The following PRR5 variants were observed in gnomAD, a reference collection of about 807,000 sequenced individuals.
The protein encoded by PRR5 is proline rich 5.
Under a neutral mutation model 30.6 loss-of-function variants are expected in PRR5, and 25 were observed. That is an observed-to-expected ratio of 0.82 (90% CI 0.60 to 1.14). The LOEUF (loss-of-function observed/expected upper bound fraction) is 1.14, where lower values mean the gene tolerates loss of function less well. Among genes scored for constraint, PRR5 ranks in the 50% most tolerant of loss-of-function variants. The pLI, the probability that PRR5 is intolerant of heterozygous loss-of-function variation, is 0.00. For synonymous variants in PRR5, 286 were observed against 247.1 expected, an observed-to-expected ratio of 1.16 and a Z score of -1.48; for missense variants, 600 against 547.1, an observed-to-expected ratio of 1.10 and a Z score of -0.96.
intron 2 of PRR5, among the ~76,000 whole-genome samples, chr22:44,715,944 C>T (rs1053233688): frequency 6.6e-5 from 10 of 152,210 alleles, no homozygotes; most frequent in African/African-American, 2.4e-4. Context: ...CCACCATGCC[C>T]GGCCAGCTGG....
At chr22:44,708,502 C>T (rs1181746505) in intron 1 of PRR5, among the ~76,000 whole-genome samples, 2 of 152,146 alleles carry the variant, frequency 1.3e-5, no homozygotes, top group Non-Finnish European at 1.5e-5. Flanking sequence ...GCCACCTGCC[C>T]CAACCCTGCA....
chr22:44,710,878 CGCAGGGCAGG>C (rs896190367), intron 1 of PRR5, among the ~76,000 whole-genome samples: 1 of 152,076 alleles, frequency 6.6e-6, no homozygotes, highest in Non-Finnish European at 1.5e-5. Flanking sequence ...CAGAAAAGGC[CGCAGGGCAGG>C]GCAGGGCAGG....
chr22:44,708,680 A>C (rs1014712382), intron 1 of PRR5, among the ~76,000 whole-genome samples: 1 of 152,298 alleles, frequency 6.6e-6, no homozygotes, highest in South Asian at 2.1e-4. Flanking sequence ...GGAATGGTAC[A>C]GGGAGGCCAA....
chr22:44,731,963 G>C, intron 5 of PRR5, 142 bp downstream of exon 5: 3 of 974,438 alleles, frequency 3.1e-6, no homozygotes, highest in South Asian at 3.3e-5. Flanking sequence ...TACCTGAGTT[G>C]CTCAGAGCCT....
At chr22:44,672,188 G>C (rs1159159532), upstream of PRR5, among the ~76,000 whole-genome samples, 1 of 152,220 alleles carries the variant, frequency 6.6e-6, no homozygotes, top group African/African-American at 2.4e-5. Context: ...TCTGTCCCCT[G>C]CCCCAGAGGA....
At position 44,737,050 on chromosome 22, in the gene PRR5, C is replaced by T. The variant is rs745384019; in HGVS notation, c.970C>T (p.Pro324Ser). Residue 324 changes from proline to serine, a missense_variant, in exon 8 of 8, where the codon CCC becomes TCC. Coordinates refer to ENST00000336985, the MANE Select transcript of PRR5 (RefSeq NM_181333.4). ...AGGGCCCTGCCCCAGCAGACTGTAC[C>T]CCACGACCCAGCCCCCTGAGCAGGG... The part of the protein sequence containing the change: ...HSGPCPSRLY[P>S]TTQPPEQGLD... The T allele has an allele frequency of 2.5e-6, 4 of 1,607,740 alleles. No individual in the cohort carries two copies. Among genetic ancestry groups the T allele is most frequent in the Non-Finnish European group, 3.4e-6 (4 of 1,177,916 alleles).
intron 1 of PRR5, among the ~76,000 whole-genome samples, chr22:44,689,929 G>A (rs1453430352): frequency 4.6e-5 from 7 of 152,226 alleles, no homozygotes; most frequent in Non-Finnish European, 1.0e-4. Flanking sequence ...GATTACAGGC[G>A]TGAGCCATCA....
intron 3 of PRR5, 106 bp downstream of exon 3, chr22:44,725,398 T>A: frequency 6.6e-7 from 1 of 1,512,330 alleles, no homozygotes; most frequent in Non-Finnish European, 9.0e-7. Flanking sequence ...TCCCCCACTG[T>A]CTGCCTGCAG....
chr22:44,737,358 A>C lies in PRR5; in HGVS notation c.*111A>C. On this transcript the variant is annotated 3_prime_UTR_variant, in exon 8 of 8. Transcript: ENST00000336985. ...TACTGCGTCCCGTCCCGCCAGCCCT[A>C]TCGGCCTCGTCACTGGCCTTGGTCA... 4.8e-6 allele frequency: 7 copies of C among 1,446,260 alleles called. No individual in the cohort carries two copies. Among genetic ancestry groups the C allele is most frequent in the Non-Finnish European group, 6.4e-6 (7 of 1,101,020 alleles). 89.6% of individuals were successfully genotyped at this position (1,446,260 alleles called of 1,614,324 possible). A position where few individuals can be genotyped will look rare whatever the true frequency, so the allele number is the denominator to read the frequency against.
At chr22:44,719,794 C>G (rs1473297571) in intron 2 of PRR5, among the ~76,000 whole-genome samples, 2 of 152,216 alleles carry the variant, frequency 1.3e-5, no homozygotes, top group African/African-American at 4.8e-5. Flanking sequence ...CTGCTGGCTC[C>G]TGGCCAAGTC....
upstream of PRR5, among the ~76,000 whole-genome samples, chr22:44,674,587 G>A (rs2146926777): frequency 6.6e-6 from 1 of 152,178 alleles, no homozygotes; most frequent in East Asian, 1.9e-4. Flanking sequence ...CGGGCGTGGT[G>A]GCAGGCGCCT....
chr22:44,714,913 A>G (rs1928827256), intron 2 of PRR5, among the ~76,000 whole-genome samples: 1 of 152,092 alleles, frequency 6.6e-6, no homozygotes, highest in South Asian at 2.1e-4. Context: ...GTGGCCCTGC[A>G]CCCCCACAGC....
At chr22:44,692,762 C>A (rs1161574062) in intron 1 of PRR5, among the ~76,000 whole-genome samples, 1 of 152,254 alleles carries the variant, frequency 6.6e-6, no homozygotes, top group Admixed American at 6.5e-5. Context: ...GCTCTGCCGC[C>A]TGCCCTGAGG....
intron 7 of PRR5, among the ~76,000 whole-genome samples, chr22:44,735,907 CTT>C (rs909032547): frequency 3.9e-5 from 6 of 152,214 alleles, no homozygotes; most frequent in African/African-American, 1.2e-4. Context: ...TGCTGGAGAA[CTT>C]TGAGCCACCC....
In PRR5 at chr22:44,702,494, T is replaced by G; in HGVS notation, c.20T>G (p.Leu7Trp). MRTLRR[L>W]KFMSSPSLSD... ...GTCACCATGAGGACTCTCCGCAGGTTGAAGTTCATGAGTTCGCCCAGCCTC... is the reference window on the plus strand; with the variant it reads ...GTCACCATGAGGACTCTCCGCAGGTGGAAGTTCATGAGTTCGCCCAGCCTC... The change falls in exon 1 of 8, where the codon TTG becomes TGG. Residue 7 changes from leucine (L) to tryptophan (W), a missense_variant. Coordinates refer to ENST00000336985, the MANE Select transcript of PRR5 (RefSeq NM_181333.4). 6.8e-7 allele frequency: 1 copy of G among 1,465,946 alleles called. No individual in the cohort carries two copies. The highest frequency in any genetic ancestry group is 9.0e-7 in the Non-Finnish European group (1 of 1,106,420). 90.8% of individuals were successfully genotyped at this position (1,465,946 alleles called of 1,614,324 possible).
intron 2 of PRR5, among the ~76,000 whole-genome samples, chr22:44,719,810 T>G (rs1274800633): frequency 6.6e-6 from 1 of 152,192 alleles, no homozygotes; most frequent in African/African-American, 2.4e-5. Flanking sequence ...AAGTCACAGA[T>G]GATCTGTCCC....
chr22:44,711,713 C>A (rs556195614), intron 1 of PRR5, among the ~76,000 whole-genome samples: 93 of 152,282 alleles, frequency 6.1e-4, no homozygotes, highest in Non-Finnish European at 9.0e-4. Context: ...GCCTGGGCTC[C>A]AGGAGAGAAC....
At chr22:44,671,023 G>T (rs539212654) in intron 1 of PRR5, among the ~76,000 whole-genome samples, 5 of 152,254 alleles carry the variant, frequency 3.3e-5, no homozygotes, top group African/African-American at 1.2e-4. Context: ...CCTTCCCCAG[G>T]CCCCACAGAT....
At chr22:44,688,037 AGTG>A (rs925663502) in intron 1 of PRR5, among the ~76,000 whole-genome samples, 6 of 151,370 alleles carry the variant, frequency 4.0e-5, no homozygotes, top group Non-Finnish European at 1.5e-5. Context: ...GGCCTCCCAA[AGTG>A]CTGGGATTAC....
Sources: allele counts gnomAD v4.1 joint callset (sites outside exome capture counted in the v4.1 genomes callset), GRCh38; gene constraint gnomAD v4.1.1; transcripts MANE v1.5; gene names NCBI Gene and HGNC (gene_info 2026-07-23, HGNC 2026-07-21).